ANKS1B: variants seen among roughly 807,000 people sequenced by gnomAD.
ANKS1B encodes the protein ankyrin repeat and sterile alpha motif domain containing 1B.
A neutral mutation model predicts 148.3 loss-of-function variants in ANKS1B; 36 were observed. That is an observed-to-expected ratio of 0.24 (90% CI 0.19 to 0.32). ANKS1B has a LOEUF of 0.32. Among genes scored for constraint, ANKS1B ranks in the 10% least tolerant of loss-of-function variants. The pLI is 1.00. For missense variants in ANKS1B, 1,157 were observed against 1,542.6 expected (o/e 0.75, Z 4.19); for synonymous variants, 542 against 560.8 (o/e 0.97, Z 0.47).
intron 17 of ANKS1B, among the ~76,000 whole-genome samples, chr12:99,042,289 C>A (rs573936596): frequency 1.3e-5 from 2 of 152,218 alleles, no homozygotes; most frequent in South Asian, 4.2e-4. Context: ...AGCGCTTGCT[C>A]ATTTTTGTTT....
At chr12:99,549,719 G>A (rs1017693432) in intron 9 of ANKS1B, among the ~76,000 whole-genome samples, 1 of 152,192 alleles carries the variant, frequency 6.6e-6, no homozygotes, top group African/African-American at 2.4e-5. Context: ...TATAGTCAAT[G>A]CATGAACTAA....
chr12:99,225,510 A>G (rs2085776216), intron 14 of ANKS1B, among the ~76,000 whole-genome samples: 1 of 152,070 alleles, frequency 6.6e-6, no homozygotes, highest in Admixed American at 6.5e-5. Flanking sequence ...GCCAAAGGAG[A>G]GTAACATTTG....
chr12:99,801,260 G>A (rs1421606316), intron 4 of ANKS1B, among the ~76,000 whole-genome samples: 1 of 151,974 alleles, frequency 6.6e-6, no homozygotes, highest in African/African-American at 2.4e-5. Context: ...TAATAGACAC[G>A]TGCAGCAGAG....
chr12:99,615,210 C>T (rs1343924040), intron 9 of ANKS1B, among the ~76,000 whole-genome samples: 1 of 151,826 alleles, frequency 6.6e-6, no homozygotes, highest in East Asian at 1.9e-4. Flanking sequence ...CAGACAGATA[C>T]ACACACATAA....
intron 8 of ANKS1B, among the ~76,000 whole-genome samples, chr12:99,686,367 T>C (rs988856606): frequency 6.6e-6 from 1 of 152,092 alleles, no homozygotes; most frequent in African/African-American, 2.4e-5. Context: ...TATCACACTA[T>C]GCCCAAATAA....
chr12:98,944,862 A>G (rs1207120722), intron 17 of ANKS1B, among the ~76,000 whole-genome samples: 2 of 152,260 alleles, frequency 1.3e-5, no homozygotes, highest in Admixed American at 1.3e-4. Context: ...TCCCGCTCAC[A>G]GTATGAATAG....
At chr12:99,821,680 C>T (rs1385927254) in intron 2 of ANKS1B, among the ~76,000 whole-genome samples, 1 of 151,932 alleles carries the variant, frequency 6.6e-6, no homozygotes, top group Non-Finnish European at 1.5e-5. Context: ...AAGTAGTATG[C>T]CTCAAATGAA....
chr12:99,717,899 CTTT>C (rs943618905), intron 8 of ANKS1B, among the ~76,000 whole-genome samples: 2 of 111,070 alleles, frequency 1.8e-5, no homozygotes, highest in East Asian at 3.1e-4. Flanking sequence ...AGACAATACT[CTTT>C]TTTTTTTTTT....
chr12:99,751,398 A>AAT (rs1040874364), intron 8 of ANKS1B, among the ~76,000 whole-genome samples: 5 of 152,078 alleles, frequency 3.3e-5, no homozygotes, highest in African/African-American at 1.2e-4. Context: ...ACTACCATAA[A>AAT]ATAACATTAA....
At chr12:99,038,698 GC>G (rs2099957047) in intron 17 of ANKS1B, among the ~76,000 whole-genome samples, 1 of 152,192 alleles carries the variant, frequency 6.6e-6, no homozygotes, top group Admixed American at 6.5e-5. Flanking sequence ...TGCTACTACA[GC>G]CACACTGGCT....
intron 17 of ANKS1B, among the ~76,000 whole-genome samples, chr12:98,839,036 TTC>T (rs1250325034): frequency 6.6e-6 from 1 of 152,224 alleles, no homozygotes; most frequent in African/African-American, 2.4e-5. Flanking sequence ...CATGACATTT[TTC>T]TCTCTTATTT....
intron 17 of ANKS1B, among the ~76,000 whole-genome samples, chr12:98,881,592 T>G (rs1430244000): frequency 6.6e-6 from 1 of 152,180 alleles, no homozygotes; most frequent in Non-Finnish European, 1.5e-5. Flanking sequence ...AGATTTTTCT[T>G]ATGCTATTGT....
chr12:99,369,897 A>G (rs1430231054), intron 12 of ANKS1B, among the ~76,000 whole-genome samples: 1 of 142,374 alleles, frequency 7.0e-6, no homozygotes, highest in African/African-American at 2.6e-5. Flanking sequence ...GATAGATAAA[A>G]TATGGCAAAT....
intron 20 of ANKS1B, among the ~76,000 whole-genome samples, chr12:98,803,662 A>G (rs1369657986): frequency 6.6e-6 from 1 of 152,178 alleles, no homozygotes; most frequent in East Asian, 1.9e-4. Flanking sequence ...TGAACACGGC[A>G]TGAGCTGGTG....
intron 7 of ANKS1B, 30 bp downstream of exon 7, chr12:99,775,518 G>C (rs763401660): frequency 4.1e-6 from 6 of 1,472,192 alleles, no homozygotes; most frequent in Non-Finnish European, 5.7e-6. Flanking sequence ...GTCTAGTATA[G>C]ATTCCAGGGC....
intron 17 of ANKS1B, among the ~76,000 whole-genome samples, chr12:98,986,188 A>G (rs1462671558): frequency 1.3e-5 from 2 of 149,418 alleles, no homozygotes; most frequent in East Asian, 4.0e-4. Context: ...TTTGTCTATG[A>G]TATGTCAAAC....
chr12:99,655,233 C>T, intron 8 of ANKS1B, 23 bp from the exon 9 acceptor site: 1 of 1,533,180 alleles, frequency 6.5e-7, no homozygotes, highest in East Asian at 2.4e-5. Context: ...TTATATCATA[C>T]CAATATATTA....
At chr12:99,909,812 T>C (rs948884771) in intron 1 of ANKS1B, among the ~76,000 whole-genome samples, 1 of 152,180 alleles carries the variant, frequency 6.6e-6, no homozygotes, top group African/African-American at 2.4e-5. Context: ...GTTCCCTTTC[T>C]TTTTCTTCCC....
intron 14 of ANKS1B, among the ~76,000 whole-genome samples, chr12:99,206,179 C>T (rs1193257016): frequency 6.6e-6 from 1 of 152,198 alleles, no homozygotes; most frequent in Non-Finnish European, 1.5e-5. Flanking sequence ...GCACTTCCCT[C>T]TTAGGCTTTG....
Sources: allele counts gnomAD v4.1 joint callset (sites outside exome capture counted in the v4.1 genomes callset), GRCh38; gene constraint gnomAD v4.1.1; transcripts MANE v1.5; gene names NCBI Gene and HGNC (gene_info 2026-07-23, HGNC 2026-07-21).